STYXL1: variants seen among roughly 807,000 people sequenced by gnomAD.
STYXL1 encodes serine/threonine/tyrosine-interacting-like protein 1.
STYXL1 carries 32 observed loss-of-function variants against 36.4 expected under a neutral mutation model. The observed-to-expected ratio is 0.88, with a 90% confidence interval of 0.66 to 1.18. The LOEUF (loss-of-function observed/expected upper bound fraction) is 1.18, where lower values mean the gene tolerates loss of function less well. Ranked by LOEUF, STYXL1 falls within the 50% of genes most tolerant of loss-of-function variation. The pLI is 0.00. For synonymous variants in STYXL1, 133 were observed against 144.1 expected (o/e 0.92, Z 0.55); for missense variants, 354 against 394.1 (o/e 0.90, Z 0.86).
intron 5 of STYXL1, among the ~76,000 whole-genome samples, chr7:76,009,175 T>A (rs1356034932): frequency 6.6e-6 from 1 of 152,090 alleles, no homozygotes; most frequent in African/African-American, 2.4e-5. Flanking sequence ...TGTGTGTAAA[T>A]GCTCAGTGAC....
At chr7:76,000,577 G>A (rs889103878) in intron 8 of STYXL1, 2 of 500,088 alleles carry the variant, frequency 4.0e-6, no homozygotes, top group Admixed American at 2.3e-5. Flanking sequence ...TGCAGCTCTG[G>A]GACTCCAAGC....
chr7:76,006,800 C>CA (rs1180804574), intron 5 of STYXL1, among the ~76,000 whole-genome samples: 50 of 149,164 alleles, frequency 3.4e-4, no homozygotes, highest in African/African-American at 1.1e-3. Context: ...ACAACAACAA[C>CA]AACAAAAAAC....
chr7:76,030,277 G>A (rs1795179556), intron 2 of STYXL1, 144 bp downstream of exon 2: 1 of 633,726 alleles, frequency 1.6e-6, no homozygotes. Flanking sequence ...GGGATTACAG[G>A]CGTGTGCCAC....
chr7:76,032,398 T>TA (rs1795460617), intron 1 of STYXL1, among the ~76,000 whole-genome samples: 4 of 9,382 alleles, frequency 4.3e-4, no homozygotes, highest in Non-Finnish European at 8.3e-4. Context: ...GACCCTGTCT[T>TA]GAAAAAAAAA....
At chr7:76,027,626 C>A (rs1368665788) in intron 3 of STYXL1, among the ~76,000 whole-genome samples, 1 of 151,334 alleles carries the variant, frequency 6.6e-6, no homozygotes, top group African/African-American at 2.4e-5. Context: ...AAATTTACAA[C>A]ATAAAGCTCC....
chr7:76,029,552 G>C (rs781986660), intron 2 of STYXL1, among the ~76,000 whole-genome samples: 1 of 152,040 alleles, frequency 6.6e-6, no homozygotes, highest in South Asian at 2.1e-4. Flanking sequence ...TGGGGGGCGG[G>C]GATGGTTTGG....
At chr7:76,024,823 C>A (rs1794484516) in intron 3 of STYXL1, among the ~76,000 whole-genome samples, 1 of 151,542 alleles carries the variant, frequency 6.6e-6, no homozygotes, top group African/African-American at 2.4e-5. Context: ...GTGGTATGCG[C>A]CTGTAGTCCC....
intron 1 of STYXL1, among the ~76,000 whole-genome samples, chr7:76,037,627 C>G (rs1324317277): frequency 6.7e-6 from 1 of 150,014 alleles, no homozygotes; most frequent in Non-Finnish European, 1.5e-5. Flanking sequence ...GAGGCTGGGC[C>G]TGACCACAGG....
At chr7:76,030,573 G>T in intron 1 of STYXL1, 46 bp from the exon 2 acceptor site, 1 of 1,155,492 alleles carries the variant, frequency 8.7e-7, no homozygotes, top group Non-Finnish European at 1.3e-6. Flanking sequence ...CTCTATTTTA[G>T]ATGAATGACC....
At chr7:76,010,155 AGAGCAAGGAG>A (rs1792379033) in intron 5 of STYXL1, among the ~76,000 whole-genome samples, 2 of 152,278 alleles carry the variant, frequency 1.3e-5, no homozygotes, top group South Asian at 2.1e-4. Flanking sequence ...TGCTCCTCCA[AGAGCAAGGAG>A]GAGCAAGGAG....
At chr7:76,038,868 C>T (rs1252682057) in intron 1 of STYXL1, among the ~76,000 whole-genome samples, 3 of 149,170 alleles carry the variant, frequency 2.0e-5, no homozygotes, top group Non-Finnish European at 4.4e-5. Context: ...CTCACTGCAG[C>T]CTCAAACTCC....
chr7:76,017,060 C>T (rs550812137), intron 4 of STYXL1, among the ~76,000 whole-genome samples: 18 of 152,132 alleles, frequency 1.2e-4, no homozygotes, highest in Non-Finnish European at 1.5e-4. Context: ...TCGCTCTTGT[C>T]GCCCAGGCTG....
chr7:76,035,641 G>T (rs1795839174), intron 1 of STYXL1, among the ~76,000 whole-genome samples: 1 of 149,726 alleles, frequency 6.7e-6, no homozygotes, highest in Non-Finnish European at 1.5e-5. Context: ...CTGAAAGCCA[G>T]GCCACTTTGG....
In STYXL1 at chr7:76,016,417, GTATACACATATATACATATATACGCATA is replaced by G. The variant is rs1330499522; in HGVS notation, c.308-2558_308-2531del. 3.2e-3 allele frequency among the ~76,000 whole-genome samples: 481 copies of G among 150,268 alleles called. 6 individuals are homozygous for G. Among genetic ancestry groups the G allele is most frequent in the African/African-American group, 0.011 (451 of 40,828 alleles). ...TGTGTATATATACGTATATCTATAC[GTATACACATATATACATATATACGCATA>G]TATACACATATATACATATATACGC... On this transcript the variant is annotated intron_variant, in intron 4 of 8. Transcript: ENST00000359697.
intron 4 of STYXL1, among the ~76,000 whole-genome samples, chr7:76,019,587 A>T (rs1207782513): frequency 6.6e-6 from 1 of 151,952 alleles, no homozygotes; most frequent in Non-Finnish European, 1.5e-5. Flanking sequence ...TACGAGTGTG[A>T]GGCACCGTGC....
At chr7:76,005,884 AGG>A (rs1791670909) in intron 5 of STYXL1, among the ~76,000 whole-genome samples, 1 of 77,634 alleles carries the variant, frequency 1.3e-5, no homozygotes, top group African/African-American at 4.6e-5. Context: ...AGGAGGAGAG[AGG>A]AGGAGGAGGA....
In STYXL1 at chr7:75,999,097, T is replaced by G. The variant is rs370576593; in HGVS notation, c.810+1793A>C. On this transcript the variant is annotated intron_variant, in intron 8 of 8. Coordinates refer to ENST00000359697, the MANE Select transcript of STYXL1 (RefSeq NM_001317785.2). ...AGCTTGCAGTGAGTCGAGATTGTGC[T>G]ACTGTACTCCAGCCTGGGTGACAGA... 80 of 158,224 alleles carry G rather than the reference T, an allele frequency of 5.1e-4. 1 individual carries two copies. The East Asian group carries it at 0.013, about 26-fold the overall frequency. The allele number at this position is 158,224 out of a possible 1,614,324, so 9.8% of individuals were successfully genotyped here. A position where few individuals can be genotyped will look rare whatever the true frequency, so the allele number is the denominator to read the frequency against.
At chr7:76,005,837 G>A (rs1448034500) in intron 5 of STYXL1, among the ~76,000 whole-genome samples, 1 of 24,332 alleles carries the variant, frequency 4.1e-5, no homozygotes, top group East Asian at 8.8e-4. Flanking sequence ...GAAGAGAGAG[G>A]AGGAGGAAGA....
chr7:76,040,599 G>A (rs1219625368), intron 1 of STYXL1, among the ~76,000 whole-genome samples: 1 of 152,194 alleles, frequency 6.6e-6, no homozygotes, highest in Admixed American at 6.5e-5. Flanking sequence ...AGCGCTTTGG[G>A]AGACCGAGGC....
Sources: gnomAD v4.1 joint callset for allele counts (sites outside exome capture counted in the v4.1 genomes callset) on GRCh38, gnomAD v4.1.1 for gene constraint, MANE v1.5 for transcripts, NCBI Gene and HGNC (gene_info 2026-07-23, HGNC 2026-07-21) for gene names.